MSL2: variants seen among roughly 807,000 people sequenced by gnomAD.
The protein encoded by MSL2 is E3 ubiquitin-protein ligase MSL2.
A neutral mutation model predicts 35.8 loss-of-function variants in MSL2; 2 were observed. The ratio of observed to expected loss-of-function variants is 0.06; its 90% CI spans 0.02 to 0.18. MSL2 has a LOEUF of 0.18. Ranked by LOEUF, MSL2 falls within the 10% of genes least tolerant of loss-of-function variation. The pLI is 1.00. For synonymous variants in MSL2, 296 were observed against 255.7 expected (o/e 1.16, Z -1.50); for missense variants, 523 against 706.7 (o/e 0.74, Z 2.95).
intron 1 of MSL2, among the ~76,000 whole-genome samples, chr3:136,186,136 A>C (rs1454258296): frequency 1.3e-5 from 2 of 152,076 alleles, no homozygotes; most frequent in African/African-American, 4.8e-5. Context: ...AAAAATCAAC[A>C]TCCTTCCTTA....
At chr3:136,187,260 C>T (rs1290611766) in intron 1 of MSL2, among the ~76,000 whole-genome samples, 1 of 152,068 alleles carries the variant, frequency 6.6e-6, no homozygotes, top group Non-Finnish European at 1.5e-5. Flanking sequence ...TTATGATAAC[C>T]GTAAGAATGA....
At chr3:136,177,516 T>C (rs896020421) in intron 1 of MSL2, among the ~76,000 whole-genome samples, 1 of 151,128 alleles carries the variant, frequency 6.6e-6, no homozygotes. Flanking sequence ...CAACTAAAAA[T>C]ACAAAAAACA....
chr3:136,195,965 C>T lies in MSL2; in HGVS notation c.-852G>A. The T allele has an allele frequency of 3.2e-6, 1 of 310,820 alleles. No individual in the cohort carries two copies. Among genetic ancestry groups the T allele is most frequent in the African/African-American group, 2.3e-5 (1 of 43,862 alleles). 19.3% of individuals were successfully genotyped at this position (310,820 alleles called of 1,614,324 possible). ...ACCAGACTCAAGCGCCGCCCCCTCA[C>T]TGCCCGGCCATTTTTTCGGCGCCAC... is the stretch of plus-strand genomic sequence containing the variant. On this transcript the variant is annotated 5_prime_UTR_variant, in exon 1 of 2. The change creates a new upstream start codon in the 5' untranslated region. Transcript: ENST00000309993.
intron 1 of MSL2, among the ~76,000 whole-genome samples, chr3:136,182,404 G>GT (rs1174930309): frequency 6.6e-6 from 1 of 152,200 alleles, no homozygotes; most frequent in African/African-American, 2.4e-5. Flanking sequence ...AGAACAATAG[G>GT]TTTTCAAATA....
chr3:136,166,934 A>C (rs941419788), intron 1 of MSL2, among the ~76,000 whole-genome samples: 9 of 152,230 alleles, frequency 5.9e-5, no homozygotes, highest in Admixed American at 3.9e-4. Context: ...TACCAAGTAA[A>C]TTATGTCTTA....
At chr3:136,160,485 C>T (rs1287168761) in intron 1 of MSL2, among the ~76,000 whole-genome samples, 3 of 149,390 alleles carry the variant, frequency 2.0e-5, no homozygotes, top group African/African-American at 4.9e-5. Context: ...TTCGGAAGGC[C>T]GAGGCGGGCA....
At chr3:136,168,251 A>T (rs1939906902) in intron 1 of MSL2, among the ~76,000 whole-genome samples, 2 of 152,214 alleles carry the variant, frequency 1.3e-5, no homozygotes, top group African/African-American at 4.8e-5. Context: ...AGGCAAAAGA[A>T]AAAGAATTAA....
At chr3:136,192,029 A>C (rs1191761989) in intron 1 of MSL2, among the ~76,000 whole-genome samples, 1 of 152,180 alleles carries the variant, frequency 6.6e-6, no homozygotes, top group Non-Finnish European at 1.5e-5. Context: ...GAAATACAAA[A>C]CTGTAAAAGA....
intron 1 of MSL2, among the ~76,000 whole-genome samples, chr3:136,176,875 T>C (rs912869212): frequency 2.0e-5 from 3 of 152,102 alleles, no homozygotes; most frequent in Admixed American, 6.6e-5. Flanking sequence ...TCTTTATAAA[T>C]TACCCAGCCT....
chr3:136,166,713 G>GT (rs1939864861), intron 1 of MSL2, among the ~76,000 whole-genome samples: 1 of 152,056 alleles, frequency 6.6e-6, no homozygotes, highest in Non-Finnish European at 1.5e-5. Context: ...TAAATAAACC[G>GT]TAACTAAGTC....
At chr3:136,182,525 G>GGAGGGAGAAT (rs1474215366) in intron 1 of MSL2, among the ~76,000 whole-genome samples, 1 of 152,162 alleles carries the variant, frequency 6.6e-6, no homozygotes, top group African/African-American at 2.4e-5. Context: ...AAAAGCACAG[G>GGAGGGAGAAT]GAGGGAGAAT....
At chr3:136,181,175 A>C (rs969782871) in intron 1 of MSL2, among the ~76,000 whole-genome samples, 8 of 151,840 alleles carry the variant, frequency 5.3e-5, no homozygotes, top group Non-Finnish European at 1.2e-4. Flanking sequence ...AAAGTAACAA[A>C]AATCGTGAAC....
chr3:136,190,575 C>T (rs1940659163), intron 1 of MSL2, among the ~76,000 whole-genome samples: 2 of 151,912 alleles, frequency 1.3e-5, no homozygotes, highest in Non-Finnish European at 2.9e-5. Flanking sequence ...ATTCATGTTC[C>T]CGAGTTTGAC....
rs1940819379 is a variant in MSL2, at chr3:136,195,632, C to G, written c.-519G>C. On this transcript the variant is annotated 5_prime_UTR_variant, in exon 1 of 2. Transcript: ENST00000309993. The stretch of plus-strand genomic sequence containing the variant: ...CGGCGGCGACGGCAAGGACGACGGT[C>G]GGGCAGCGGCTTCCCGGATCTAGTG... The G allele has an allele frequency of 1.0e-6, 1 of 980,510 alleles. No homozygotes were observed. The highest frequency in any genetic ancestry group is 1.2e-6 in the Non-Finnish European group (1 of 825,380). The allele number at this position is 980,510 out of a possible 1,614,324, so 60.7% of individuals were successfully genotyped here. A position where few individuals can be genotyped will look rare whatever the true frequency, so the allele number is the denominator to read the frequency against.
In MSL2 at chr3:136,191,714, A is replaced by G. The variant is rs115786928; in HGVS notation, c.142+3258T>C. 5.4e-3 allele frequency among the ~76,000 whole-genome samples: 829 copies of G among 152,292 alleles called. 1 individual carries two copies. Among genetic ancestry groups the G allele is most frequent in the Admixed American group, 8.4e-3 (128 of 15,294 alleles). On this transcript the variant is annotated intron_variant, in intron 1 of 1. Coordinates refer to ENST00000309993, the MANE Select transcript of MSL2 (RefSeq NM_018133.4). ...CATGAATCCAGGAGTTTAAGGCTGC[A>G]GTGAGCTAGGATCGCACCACTGCAC...
chr3:136,159,264 C>A (rs2108065231), intron 1 of MSL2, among the ~76,000 whole-genome samples: 1 of 151,134 alleles, frequency 6.6e-6, no homozygotes, highest in South Asian at 2.1e-4. Flanking sequence ...GAACAGAATT[C>A]AGAGTCCAGA....
chr3:136,189,611 C>T (rs981849319), intron 1 of MSL2, among the ~76,000 whole-genome samples: 1 of 150,800 alleles, frequency 6.6e-6, no homozygotes, highest in South Asian at 2.1e-4. Flanking sequence ...GCAGTCCCAG[C>T]TACTCAGGAG....
chr3:136,172,165 A>C (rs1192371900), intron 1 of MSL2, among the ~76,000 whole-genome samples: 1 of 151,914 alleles, frequency 6.6e-6, no homozygotes, highest in East Asian at 1.9e-4. Context: ...GAAAGCTTGA[A>C]TATTTCTACT....
chr3:136,185,456 C>CAA (rs923042246), intron 1 of MSL2, among the ~76,000 whole-genome samples: 2 of 145,388 alleles, frequency 1.4e-5, no homozygotes, highest in African/African-American at 5.1e-5. Flanking sequence ...GATATGGACA[C>CAA]AAAAATCACC....
Sources: allele counts gnomAD v4.1 joint callset (sites outside exome capture counted in the v4.1 genomes callset), GRCh38; gene constraint gnomAD v4.1.1; transcripts MANE v1.5; gene names NCBI Gene and HGNC (gene_info 2026-07-23, HGNC 2026-07-21).